ASTN2: variants seen among roughly 807,000 people sequenced by gnomAD.
ASTN2 encodes the protein astrotactin 2, also known as astrotactin-2.
In ASTN2, 54 loss-of-function variants were observed where a neutral mutation model predicts 139.8. The ratio of observed to expected loss-of-function variants is 0.39; its 90% CI spans 0.31 to 0.48. The LOEUF (loss-of-function observed/expected upper bound fraction) is 0.48. Among genes scored for constraint, ASTN2 ranks in the 20% least tolerant of loss-of-function variants. The pLI is 0.95. For synonymous variants in ASTN2, 756 were observed against 719.5 expected (o/e 1.05, Z -0.81); for missense variants, 1,565 against 1,725.1 (o/e 0.91, Z 1.64).
chr9:117,372,149 G>A (rs573330025), intron 1 of ASTN2, among the ~76,000 whole-genome samples: 20 of 152,100 alleles, frequency 1.3e-4, no homozygotes, highest in Non-Finnish European at 2.4e-4. Flanking sequence ...TGCAGTCCCC[G>A]AGGCCAGTGT....
chr9:117,126,223 T>C (rs1269355585), intron 4 of ASTN2, among the ~76,000 whole-genome samples: 1 of 152,198 alleles, frequency 6.6e-6, no homozygotes, highest in Non-Finnish European at 1.5e-5. Flanking sequence ...GTCTAAGCTC[T>C]GAGGCCTATG....
At chr9:117,178,916 G>A (rs535269149) in intron 3 of ASTN2, among the ~76,000 whole-genome samples, 1 of 152,322 alleles carries the variant, frequency 6.6e-6, no homozygotes, top group Non-Finnish European at 1.5e-5. Flanking sequence ...TGCTGACTCA[G>A]GATTCCAACT....
At chr9:117,042,602 G>A (rs532129111) in intron 5 of ASTN2, among the ~76,000 whole-genome samples, 15 of 152,018 alleles carry the variant, frequency 9.9e-5, no homozygotes, top group Non-Finnish European at 2.1e-4. Flanking sequence ...TTATTCGAGT[G>A]CTGCAAGAAG....
At chr9:116,619,977 A>C (rs1184684256) in intron 18 of ASTN2, among the ~76,000 whole-genome samples, 1 of 151,712 alleles carries the variant, frequency 6.6e-6, no homozygotes, top group Non-Finnish European at 1.5e-5. Flanking sequence ...GTTTTGTTTT[A>C]AATCTCAGTA....
chr9:116,931,757 C>G (rs1277972604), intron 10 of ASTN2, among the ~76,000 whole-genome samples: 1 of 152,172 alleles, frequency 6.6e-6, no homozygotes, highest in African/African-American at 2.4e-5. Flanking sequence ...AATACTAAGA[C>G]ATACAAATAT....
At chr9:116,960,776 C>T (rs1835854737) in intron 10 of ASTN2, among the ~76,000 whole-genome samples, 1 of 152,162 alleles carries the variant, frequency 6.6e-6, no homozygotes, top group South Asian at 2.1e-4. Context: ...ATACTATTCT[C>T]AGCTTACACA....
intron 10 of ASTN2, among the ~76,000 whole-genome samples, chr9:116,915,244 C>T (rs766246486): frequency 4.6e-5 from 7 of 152,218 alleles, no homozygotes; most frequent in Non-Finnish European, 1.0e-4. Context: ...CCAAAAAGTT[C>T]TCATGGCCAT....
chr9:117,331,972 A>C (rs1828725023), intron 1 of ASTN2, among the ~76,000 whole-genome samples: 1 of 149,214 alleles, frequency 6.7e-6, no homozygotes, highest in Non-Finnish European at 1.5e-5. Context: ...ATTTTCTTTC[A>C]GACTTCACTG....
chr9:117,154,139 A>G (rs146243674), intron 3 of ASTN2, among the ~76,000 whole-genome samples: 121 of 152,206 alleles, frequency 7.9e-4, no homozygotes, highest in African/African-American at 2.7e-3. Context: ...ATGTTAGAGC[A>G]AAATTAATGC....
At chr9:116,840,453 C>A (rs1337640503) in intron 11 of ASTN2, among the ~76,000 whole-genome samples, 2 of 148,718 alleles carry the variant, frequency 1.3e-5, no homozygotes, top group Non-Finnish European at 1.5e-5. Context: ...GTAGGCGCGG[C>A]CGGGCAGAGG....
chr9:116,972,117 A>T (rs1470559625), intron 10 of ASTN2, among the ~76,000 whole-genome samples: 2 of 152,242 alleles, frequency 1.3e-5, no homozygotes, highest in African/African-American at 4.8e-5. Flanking sequence ...GCCCACTTGT[A>T]GTTCCCCATG....
intron 19 of ASTN2, among the ~76,000 whole-genome samples, chr9:116,569,416 A>G (rs1330725006): frequency 2.0e-5 from 3 of 152,260 alleles, no homozygotes; most frequent in Non-Finnish European, 4.4e-5. Context: ...ATGATTATCA[A>G]TCAAAACACA....
intron 1 of ASTN2, among the ~76,000 whole-genome samples, chr9:117,388,344 A>G (rs1363693171): frequency 6.6e-6 from 1 of 152,174 alleles, no homozygotes; most frequent in African/African-American, 2.4e-5. Context: ...TAGATGAGAC[A>G]TATATATCAG....
At chr9:116,595,473 C>G (rs1213678636) in intron 19 of ASTN2, among the ~76,000 whole-genome samples, 1 of 152,088 alleles carries the variant, frequency 6.6e-6, no homozygotes, top group African/African-American at 2.4e-5. Flanking sequence ...ACTACAGGGG[C>G]GCACCACCAT....
chr9:116,849,123 G>A (rs527458830), intron 11 of ASTN2, among the ~76,000 whole-genome samples: 13 of 152,234 alleles, frequency 8.5e-5, no homozygotes, highest in Middle Eastern at 3.4e-3. Flanking sequence ...GAAGAGGCAC[G>A]GAGTTTCCAT....
intron 20 of ASTN2, among the ~76,000 whole-genome samples, chr9:116,477,206 A>T (rs1849008674): frequency 6.6e-6 from 1 of 152,266 alleles, no homozygotes; most frequent in South Asian, 2.1e-4. Context: ...GCTGAAAAAC[A>T]GCGTTATTTT....
At chr9:116,838,992 AACAATG>A (rs1457163237) in intron 11 of ASTN2, among the ~76,000 whole-genome samples, 3 of 152,236 alleles carry the variant, frequency 2.0e-5, no homozygotes, top group African/African-American at 7.2e-5. Context: ...CTTGACTATG[AACAATG>A]ACTTGTTCTC....
intron 2 of ASTN2, among the ~76,000 whole-genome samples, chr9:117,258,536 C>T (rs1251861589): frequency 1.3e-5 from 2 of 152,110 alleles, no homozygotes; most frequent in South Asian, 4.1e-4. Context: ...GTAAGGGGAG[C>T]GGGTGTCCCT....
intron 11 of ASTN2, among the ~76,000 whole-genome samples, chr9:116,835,757 AT>A (rs1436240954): frequency 6.6e-6 from 1 of 152,154 alleles, no homozygotes; most frequent in Non-Finnish European, 1.5e-5. Flanking sequence ...CTTTTCAAAT[AT>A]TTTACAGAGT....
Sources: allele counts gnomAD v4.1 joint callset (sites outside exome capture counted in the v4.1 genomes callset), GRCh38; gene constraint gnomAD v4.1.1; transcripts MANE v1.5; gene names NCBI Gene and HGNC (gene_info 2026-07-23, HGNC 2026-07-21).